Variants in ANO1 observed in about 807,000 individuals in gnomAD.
ANO1 encodes anoctamin 1.
ANO1 carries 59 observed loss-of-function variants against 124.0 expected under a neutral mutation model. That is an observed-to-expected ratio of 0.48 (90% CI 0.39 to 0.59). The LOEUF (loss-of-function observed/expected upper bound fraction) is 0.59, where lower values mean the gene tolerates loss of function less well. ANO1 is among the 20% of genes least tolerant of loss of function. ANO1 has a pLI of 0.00. For synonymous variants in ANO1, 529 were observed against 532.0 expected (o/e 0.99, Z 0.08); for missense variants, 1,059 against 1,328.0 (o/e 0.80, Z 3.15).
intron 10 of ANO1, among the ~76,000 whole-genome samples, chr11:70,131,303 A>C: frequency 6.7e-6 from 1 of 149,130 alleles, no homozygotes; most frequent in Non-Finnish European, 1.5e-5. Context: ...TCAAAAATCA[A>C]TGTGTGTGTG....
intron 11 of ANO1, among the ~76,000 whole-genome samples, chr11:70,136,811 G>A (rs2046971945): frequency 6.8e-6 from 1 of 147,852 alleles, no homozygotes; most frequent in African/African-American, 2.4e-5. Flanking sequence ...GCATAGCCTC[G>A]AGATAAATGC....
chr11:70,151,349 C>G (rs2047596013), intron 12 of ANO1, among the ~76,000 whole-genome samples: 1 of 152,204 alleles, frequency 6.6e-6, no homozygotes, highest in Admixed American at 6.5e-5. Flanking sequence ...AACCTGTCCA[C>G]AGCACACAGC....
chr11:70,097,836 G>A (rs988167362), intron 2 of ANO1, among the ~76,000 whole-genome samples: 1 of 152,198 alleles, frequency 6.6e-6, no homozygotes, highest in African/African-American at 2.4e-5. Flanking sequence ...TGTGGCCACT[G>A]CTGTTCCCCG....
chr11:70,000,824 A>G (rs1166421094), intron 1 of ANO1, among the ~76,000 whole-genome samples: 6 of 152,106 alleles, frequency 3.9e-5, no homozygotes, highest in Admixed American at 3.9e-4. Flanking sequence ...TGCCCTCTAC[A>G]GCAACAGGAG....
At chr11:70,181,416 C>G (rs1410236589) in intron 23 of ANO1, among the ~76,000 whole-genome samples, 2 of 152,212 alleles carry the variant, frequency 1.3e-5, no homozygotes, top group Non-Finnish European at 2.9e-5. Flanking sequence ...GCCAGGCATG[C>G]GCTCCCACCA....
chr11:70,062,643 C>G (rs533756331), intron 1 of ANO1, among the ~76,000 whole-genome samples: 1 of 152,310 alleles, frequency 6.6e-6, no homozygotes, highest in African/African-American at 2.4e-5. Context: ...GTGCCTGTCT[C>G]AGCAAGGGGG....
intron 22 of ANO1, among the ~76,000 whole-genome samples, chr11:70,174,459 A>G (rs1304460173): frequency 6.6e-6 from 1 of 152,154 alleles, no homozygotes; most frequent in Admixed American, 6.5e-5. Context: ...CTGTCGAAAA[A>G]CAGGCCACCA....
At chr11:70,025,627 T>A (rs1856882450) in intron 1 of ANO1, among the ~76,000 whole-genome samples, 1 of 151,686 alleles carries the variant, frequency 6.6e-6, no homozygotes, top group Admixed American at 6.6e-5. Context: ...GTGATGATGG[T>A]GTTGATGATG....
chr11:70,120,587 T>C lies in ANO1; in HGVS notation c.898-3763T>C, dbSNP rs527953533. 2.6e-5 allele frequency among the ~76,000 whole-genome samples: 4 copies of C among 152,250 alleles called. No homozygotes were observed. The East Asian group carries it at 7.7e-4, about 29-fold the overall frequency. On this transcript the variant is annotated intron_variant, in intron 8 of 25. Transcript: ENST00000355303. ...ATTCATCCATCCATTCATCCATTCA[T>C]TCAACAGTCACTTAGTGAAAACCCA... is the stretch of plus-strand genomic sequence containing the variant.
chr11:70,082,333 T>C (rs982903472), intron 1 of ANO1, among the ~76,000 whole-genome samples: 2 of 152,146 alleles, frequency 1.3e-5, no homozygotes, highest in Non-Finnish European at 2.9e-5. Flanking sequence ...CCGAGGCTGG[T>C]GGATCACCTA....
At chr11:70,160,491 C>T (rs563653857) in intron 16 of ANO1, among the ~76,000 whole-genome samples, 3 of 152,188 alleles carry the variant, frequency 2.0e-5, no homozygotes, top group Non-Finnish European at 4.4e-5. Flanking sequence ...ATGTTCTGGT[C>T]CCACGGTATG....
intron 2 of ANO1, among the ~76,000 whole-genome samples, chr11:70,095,233 G>A (rs1302760488): frequency 4.1e-5 from 2 of 48,910 alleles, no homozygotes; most frequent in Non-Finnish European, 8.4e-5. Flanking sequence ...AGAGAGAGAG[G>A]AAAGAAAGAA....
At chr11:69,970,905 T>C in the ANO1 span, among the ~76,000 whole-genome samples, 1 of 152,142 alleles carries the variant, frequency 6.6e-6, no homozygotes, top group African/African-American at 2.4e-5. Context: ...ACATATGCGT[T>C]CCAGCCAGCA....
upstream of ANO1, among the ~76,000 whole-genome samples, chr11:70,077,832 G>A (rs1290113296): frequency 2.0e-5 from 3 of 152,240 alleles, no homozygotes; most frequent in Non-Finnish European, 4.4e-5. Context: ...AAACTCGGGG[G>A]CACCGGTAAC....
chr11:70,114,555 C>A (rs886246868), intron 7 of ANO1, among the ~76,000 whole-genome samples: 46 of 152,166 alleles, frequency 3.0e-4, no homozygotes, highest in Non-Finnish European at 6.3e-4. Flanking sequence ...TGCATCTTAC[C>A]CCCTTCCAAT....
At chr11:69,977,484 G>T in the ANO1 span, among the ~76,000 whole-genome samples, 42 of 152,326 alleles carry the variant, frequency 2.8e-4, no homozygotes, top group Non-Finnish European at 5.3e-4. Context: ...TGGGGGGCAG[G>T]GTGACCCTTT....
At chr11:70,065,834 GAGA>G (rs1352178220) in intron 1 of ANO1, among the ~76,000 whole-genome samples, 87 of 152,302 alleles carry the variant, frequency 5.7e-4, no homozygotes, top group African/African-American at 1.9e-3. Context: ...GGCTCCTGGG[GAGA>G]AGATCTCTGC....
At chr11:69,995,093 G>GTTTTTTTT (rs1278482378) in intron 1 of ANO1, among the ~76,000 whole-genome samples, 5 of 21,652 alleles carry the variant, frequency 2.3e-4, no homozygotes, top group South Asian at 2.6e-3. Context: ...TGCTGGCACT[G>GTTTTTTTT]TTTTTTTTTT....
chr11:70,088,852 G>A (rs895585766), intron 2 of ANO1, among the ~76,000 whole-genome samples: 4 of 152,214 alleles, frequency 2.6e-5, no homozygotes, highest in Admixed American at 2.0e-4. Flanking sequence ...GGAGTCGTTG[G>A]TGCTCTGAAG....
Sources: allele counts gnomAD v4.1 joint callset (sites outside exome capture counted in the v4.1 genomes callset), GRCh38; gene constraint gnomAD v4.1.1; transcripts MANE v1.5; gene names NCBI Gene and HGNC (gene_info 2026-07-23, HGNC 2026-07-21).